PID1: variants seen among roughly 807,000 people sequenced by gnomAD.
The protein encoded by PID1 is PTB-containing, cubilin and LRP1-interacting protein.
PID1 carries 10 observed loss-of-function variants against 19.1 expected under a neutral mutation model. The observed-to-expected ratio is 0.52, with a 90% confidence interval of 0.32 to 0.89. PID1 has a LOEUF of 0.89. Among genes scored for constraint, PID1 ranks in the 40% least tolerant of loss-of-function variants. The probability of loss-of-function intolerance (pLI) is 0.03; values close to 1 mark genes in which losing one functional copy is unlikely to be tolerated. For synonymous variants in PID1, 130 were observed against 116.0 expected (o/e 1.12, Z -0.78); for missense variants, 248 against 285.3 (o/e 0.87, Z 0.94).
In PID1 at chr2:229,139,101, A is replaced by AAG. The variant is rs1194214136; in HGVS notation, c.177+16715_177+16716dup. Among the ~76,000 whole-genome samples, 101 of 77,346 alleles carry AAG rather than the reference A, an allele frequency of 1.3e-3. 6 individuals carry two copies. Among genetic ancestry groups the AAG allele is most frequent in the African/African-American group, 5.4e-3 (87 of 16,050 alleles). 50.7% of individuals were successfully genotyped at this position (77,346 alleles called of 152,430 possible). A position where few individuals can be genotyped will look rare whatever the true frequency, so the allele number is the denominator to read the frequency against. ...AAAGAAAGAAAGAAAGAAAGAAAGA[A>AAG]AGAAAGAAAGAAAGAGAAAGAAAGA... is the stretch of plus-strand genomic sequence containing the variant. On this transcript the variant is annotated intron_variant, in intron 2 of 2. Coordinates refer to ENST00000392055, the MANE Select transcript of PID1 (RefSeq NM_001100818.2).
At chr2:229,210,759 GA>G (rs1691715415) in intron 1 of PID1, among the ~76,000 whole-genome samples, 1 of 152,064 alleles carries the variant, frequency 6.6e-6, no homozygotes, top group Admixed American at 6.5e-5. Context: ...GGCAGTTCAG[GA>G]AAAAAGCTCC....
intron 1 of PID1, among the ~76,000 whole-genome samples, chr2:229,219,644 C>T (rs1291504106): frequency 6.6e-6 from 1 of 152,062 alleles, no homozygotes; most frequent in African/African-American, 2.4e-5. Flanking sequence ...AGTGATCCTC[C>T]CACCTCAGCC....
intron 2 of PID1, among the ~76,000 whole-genome samples, chr2:229,139,151 A>AGCG (rs1689957984): frequency 5.4e-5 from 7 of 129,714 alleles, no homozygotes; most frequent in African/African-American, 2.1e-4. Context: ...GAAAGAAAGC[A>AGCG]AGCGAGCGAG....
intron 1 of PID1, among the ~76,000 whole-genome samples, chr2:229,184,952 TATAA>T (rs1421477437): frequency 9.2e-5 from 10 of 109,082 alleles, no homozygotes; most frequent in Admixed American, 4.0e-4. Context: ...ATCCTATATA[TATAA>T]AATCCCATAT....
chr2:229,215,332 C>T (rs1284098184), intron 1 of PID1, among the ~76,000 whole-genome samples: 2 of 152,184 alleles, frequency 1.3e-5, no homozygotes, highest in African/African-American at 4.8e-5. Context: ...TACTGGATTG[C>T]TTGTCTTTTT....
chr2:229,162,223 CG>C (rs1690505358), intron 1 of PID1, among the ~76,000 whole-genome samples: 1 of 152,182 alleles, frequency 6.6e-6, no homozygotes, highest in Admixed American at 6.5e-5. Flanking sequence ...ATTATGCAGA[CG>C]GGGTAATCGC....
At chr2:229,265,909 G>A (rs1559309047) in intron 1 of PID1, among the ~76,000 whole-genome samples, 1 of 152,148 alleles carries the variant, frequency 6.6e-6, no homozygotes, top group Non-Finnish European at 1.5e-5. Context: ...AGATAACTCA[G>A]TACAGTCAAC....
intron 2 of PID1, among the ~76,000 whole-genome samples, chr2:229,095,413 A>G (rs774465622): frequency 6.6e-6 from 1 of 152,210 alleles, no homozygotes; most frequent in Non-Finnish European, 1.5e-5. Context: ...GCATTTTCGG[A>G]CAAAGGCTAC....
At chr2:229,269,939 T>C (rs1690691064) in intron 1 of PID1, among the ~76,000 whole-genome samples, 1 of 152,188 alleles carries the variant, frequency 6.6e-6, no homozygotes, top group Admixed American at 6.5e-5. Context: ...CAATGCCCTC[T>C]GCGGGTTGTT....
At chr2:229,199,577 A>G (rs1338845132) in intron 1 of PID1, among the ~76,000 whole-genome samples, 1 of 151,914 alleles carries the variant, frequency 6.6e-6, no homozygotes, top group African/African-American at 2.4e-5. Context: ...AATAAAACTG[A>G]GGTGAATTAG....
chr2:229,029,293 G>A (rs1693493906), intron 2 of PID1, among the ~76,000 whole-genome samples: 2 of 139,886 alleles, frequency 1.4e-5, no homozygotes, highest in African/African-American at 2.7e-5. Flanking sequence ...ATGGGCAATG[G>A]AAATTAATAG....
At chr2:229,207,850 T>C (rs747955242) in intron 1 of PID1, among the ~76,000 whole-genome samples, 3 of 152,004 alleles carry the variant, frequency 2.0e-5, no homozygotes, top group Non-Finnish European at 4.4e-5. Flanking sequence ...AACCACTTAC[T>C]GCAATGGGGC....
chr2:229,047,203 C>T (rs1559208936), intron 2 of PID1, among the ~76,000 whole-genome samples: 1 of 152,204 alleles, frequency 6.6e-6, no homozygotes. Flanking sequence ...ACCCTGCTGT[C>T]AACCGTTGGC....
chr2:229,259,726 T>C (rs1690407195), intron 1 of PID1, among the ~76,000 whole-genome samples: 1 of 152,212 alleles, frequency 6.6e-6, no homozygotes, highest in South Asian at 2.1e-4. Context: ...GTCGCTATGG[T>C]CTAGACTCAT....
rs143262321 is a variant in PID1, at chr2:229,107,742, C to T, written c.177+48076G>A. ...CTTACCCACTGAAAATAGTGAGACA[C>T]CCTCAGCATACAAACGCGTCTCTAC... On this transcript the variant is annotated intron_variant, in intron 2 of 2. Transcript: ENST00000392055. 1.1e-3 allele frequency among the ~76,000 whole-genome samples: 162 copies of T among 152,256 alleles called. 3 individuals carry two copies. In the East Asian group the frequency reaches 0.029, roughly 27 times the overall value.
chr2:229,204,127 T>C (rs753241588), intron 1 of PID1, among the ~76,000 whole-genome samples: 3 of 152,100 alleles, frequency 2.0e-5, no homozygotes, highest in Non-Finnish European at 4.4e-5. Context: ...CTGAACTCAG[T>C]CCCTTCTACA....
chr2:229,255,488 G>A (rs1388421801), intron 1 of PID1, among the ~76,000 whole-genome samples: 2 of 152,194 alleles, frequency 1.3e-5, no homozygotes, highest in Non-Finnish European at 2.9e-5. Flanking sequence ...ATGTTTTTCA[G>A]TTTGGGTTTT....
intron 1 of PID1, among the ~76,000 whole-genome samples, chr2:229,175,556 T>C (rs1690802761): frequency 6.6e-6 from 1 of 152,238 alleles, no homozygotes; most frequent in Middle Eastern, 3.2e-3. Flanking sequence ...ACTGAATACA[T>C]ACTTTATCAT....
At chr2:229,052,604 T>G (rs1694018277) in intron 2 of PID1, among the ~76,000 whole-genome samples, 1 of 152,012 alleles carries the variant, frequency 6.6e-6, no homozygotes. Flanking sequence ...TAAGACAGAT[T>G]TATGTGTTGG....
Sources: allele counts gnomAD v4.1 joint callset (sites outside exome capture counted in the v4.1 genomes callset), GRCh38; gene constraint gnomAD v4.1.1; transcripts MANE v1.5; gene names NCBI Gene and HGNC (gene_info 2026-07-23, HGNC 2026-07-21).